MIPOL1: variants seen among roughly 807,000 people sequenced by gnomAD.
The protein encoded by MIPOL1 is mirror-image polydactyly gene 1 protein.
MIPOL1 carries 57 observed loss-of-function variants against 60.9 expected under a neutral mutation model. That is an observed-to-expected ratio of 0.94 (90% CI 0.76 to 1.17). The LOEUF is 1.17. MIPOL1 is among the 50% of genes most tolerant of loss of function. The probability of loss-of-function intolerance (pLI) is 0.00; values close to 1 mark genes in which losing one functional copy is unlikely to be tolerated. For synonymous variants in MIPOL1, 179 were observed against 168.8 expected (o/e 1.06, Z -0.47); for missense variants, 551 against 511.6 (o/e 1.08, Z -0.74).
intron 1 of MIPOL1, among the ~76,000 whole-genome samples, chr14:37,239,335 G>A (rs1461720190): frequency 1.3e-5 from 2 of 152,038 alleles, no homozygotes; most frequent in Non-Finnish European, 2.9e-5. Context: ...GTGAGCCACC[G>A]CGCCTGGCCT....
chr14:37,494,292 A>G (rs962079468), intron 11 of MIPOL1, among the ~76,000 whole-genome samples: 1 of 152,212 alleles, frequency 6.6e-6, no homozygotes, highest in African/African-American at 2.4e-5. Context: ...ATGGAAAAAA[A>G]CTACAAATTA....
intron 12 of MIPOL1, chr14:37,504,694 G>T (rs2095258105): frequency 6.6e-6 from 1 of 152,130 alleles, no homozygotes; most frequent in South Asian, 2.1e-4. Context: ...ACAATTAAAA[G>T]AACTGAGAAG....
At chr14:37,410,393 T>C (rs2093662449) in intron 10 of MIPOL1, among the ~76,000 whole-genome samples, 1 of 152,092 alleles carries the variant, frequency 6.6e-6, no homozygotes, top group Non-Finnish European at 1.5e-5. Context: ...TAACTGCCTG[T>C]TTAAAATTAC....
intron 9 of MIPOL1, among the ~76,000 whole-genome samples, chr14:37,335,863 C>T (rs1201055139): frequency 6.6e-6 from 1 of 151,982 alleles, no homozygotes; most frequent in Non-Finnish European, 1.5e-5. Flanking sequence ...ATTGTCTTCT[C>T]ACTCTCTTGG....
chr14:37,510,171 C>T (rs920018954), intron 12 of MIPOL1, among the ~76,000 whole-genome samples: 4 of 151,758 alleles, frequency 2.6e-5, no homozygotes, highest in African/African-American at 9.7e-5. Flanking sequence ...TGTATATAGA[C>T]ATAGACTGTA....
chr14:37,468,907 G>A (rs2094638140), intron 11 of MIPOL1, among the ~76,000 whole-genome samples: 1 of 152,192 alleles, frequency 6.6e-6, no homozygotes, highest in Admixed American at 6.5e-5. Flanking sequence ...CATCCTGACT[G>A]GAGTGTAGAG....
intron 3 of MIPOL1, among the ~76,000 whole-genome samples, chr14:37,259,229 T>G (rs2082343074): frequency 6.6e-6 from 1 of 152,128 alleles, no homozygotes; most frequent in African/African-American, 2.4e-5. Flanking sequence ...GTTTTTGACT[T>G]CTCTTCAATA....
At chr14:37,482,696 G>A (rs1594631057) in intron 11 of MIPOL1, among the ~76,000 whole-genome samples, 1 of 152,262 alleles carries the variant, frequency 6.6e-6, no homozygotes, top group East Asian at 1.9e-4. Flanking sequence ...CTCTCACCAG[G>A]TTCCTCCCTC....
chr14:37,247,908 G>T lies in MIPOL1; in HGVS notation c.19+1G>T. ...ATACAAATGGAGAACTGGTCAAAAG[G>T]TAAGGACTTTTAAGGTATTAATACC... On this transcript the variant is annotated splice_donor_variant, in intron 3 of 12. Coordinates refer to ENST00000684589, the MANE Select transcript of MIPOL1 (RefSeq NM_001388067.1). LOFTEE classifies it high-confidence loss of function. 1 of 1,613,034 alleles carries T rather than the reference G, an allele frequency of 6.2e-7. No individual in the cohort carries two copies. Among genetic ancestry groups the T allele is most frequent in the Non-Finnish European group, 8.5e-7 (1 of 1,179,370 alleles).
At chr14:37,254,231 T>C (rs1017226489) in intron 3 of MIPOL1, among the ~76,000 whole-genome samples, 2 of 151,802 alleles carry the variant, frequency 1.3e-5, no homozygotes, top group African/African-American at 4.8e-5. Context: ...TAAATACGAT[T>C]CTGGAATTCT....
At chr14:37,296,588 A>C (rs1376893471) in intron 7 of MIPOL1, among the ~76,000 whole-genome samples, 3 of 152,182 alleles carry the variant, frequency 2.0e-5, no homozygotes, top group Non-Finnish European at 2.9e-5. Context: ...AGAGAGAAGA[A>C]TCAAATAGAC....
intron 1 of MIPOL1, among the ~76,000 whole-genome samples, chr14:37,234,269 T>G (rs1190603120): frequency 6.6e-6 from 1 of 152,132 alleles, no homozygotes; most frequent in East Asian, 1.9e-4. Flanking sequence ...GACAATTTTT[T>G]TTTTTCTTGA....
chr14:37,451,632 C>A (rs1413257197), intron 11 of MIPOL1, among the ~76,000 whole-genome samples: 1 of 151,608 alleles, frequency 6.6e-6, no homozygotes, highest in African/African-American at 2.4e-5. Flanking sequence ...TGAAGAAATA[C>A]ATTTATGATA....
chr14:37,221,257 A>G (rs932424239), intron 1 of MIPOL1, among the ~76,000 whole-genome samples: 3 of 152,194 alleles, frequency 2.0e-5, no homozygotes, highest in Non-Finnish European at 2.9e-5. Flanking sequence ...TAGTGCTGGC[A>G]TCTGGCAAGG....
chr14:37,387,062 C>CA (rs2093091798), intron 10 of MIPOL1, among the ~76,000 whole-genome samples: 1 of 151,746 alleles, frequency 6.6e-6, no homozygotes, highest in Non-Finnish European at 1.5e-5. Context: ...ATATTCCATT[C>CA]AAAAACCGTA....
intron 7 of MIPOL1, among the ~76,000 whole-genome samples, chr14:37,303,175 T>A (rs1244968921): frequency 6.6e-6 from 1 of 151,962 alleles, no homozygotes; most frequent in Non-Finnish European, 1.5e-5. Flanking sequence ...ACAACTCTTT[T>A]GAAGTAGGTA....
chr14:37,282,019 C>A (rs964959034), intron 6 of MIPOL1, among the ~76,000 whole-genome samples: 4 of 151,648 alleles, frequency 2.6e-5, no homozygotes, highest in East Asian at 1.9e-4. Flanking sequence ...TGGTAATGTC[C>A]TTTAAATGCA....
At chr14:37,524,865 G>T (rs977663452) in intron 12 of MIPOL1, among the ~76,000 whole-genome samples, 1 of 151,912 alleles carries the variant, frequency 6.6e-6, no homozygotes, top group African/African-American at 2.4e-5. Flanking sequence ...ACCGCACCCG[G>T]CCTGAAGCTT....
At position 37,547,047 on chromosome 14, in the gene MIPOL1, C is replaced by T. The variant is rs1594948748; in HGVS notation, c.*76C>T. On this transcript the variant is annotated 3_prime_UTR_variant, in exon 13 of 13. Transcript: ENST00000684589. Reference sequence around the variant, plus strand: ...GCTTCATTCAACACTGTGTAAACACCAAAGCCTTAACTTAGCAAACAGTTG... The same window carrying T: ...GCTTCATTCAACACTGTGTAAACACTAAAGCCTTAACTTAGCAAACAGTTG... The T allele has an allele frequency of 7.9e-7, 1 of 1,263,890 alleles. No homozygotes were observed. The highest frequency in any genetic ancestry group is 1.1e-6 in the Non-Finnish European group (1 of 871,414). 78.3% of individuals were successfully genotyped at this position (1,263,890 alleles called of 1,614,324 possible).
Sources: gnomAD v4.1 joint callset for allele counts (sites outside exome capture counted in the v4.1 genomes callset) on GRCh38, gnomAD v4.1.1 for gene constraint, MANE v1.5 for transcripts, NCBI Gene and HGNC (gene_info 2026-07-23, HGNC 2026-07-21) for gene names.